Variants in CABP5 observed in about 807,000 individuals in gnomAD.
CABP5 encodes the protein calcium binding protein 5, also known as calcium-binding protein 5.
Under a neutral mutation model 21.9 loss-of-function variants are expected in CABP5, and 17 were observed. That is an observed-to-expected ratio of 0.78 (90% CI 0.53 to 1.17). CABP5 has a LOEUF of 1.17. Among genes scored for constraint, CABP5 ranks in the 50% most tolerant of loss-of-function variants. The probability of loss-of-function intolerance (pLI) is 0.00; values close to 1 mark genes in which losing one functional copy is unlikely to be tolerated. For synonymous variants in CABP5, 85 were observed against 79.4 expected (o/e 1.07, Z -0.37); for missense variants, 229 against 228.9 (o/e 1.00, Z 0.00).
intron 4 of CABP5, among the ~76,000 whole-genome samples, chr19:48,036,137 T>C (rs942285034): frequency 2.6e-5 from 4 of 152,106 alleles, no homozygotes; most frequent in Non-Finnish European, 4.4e-5. Flanking sequence ...TCTGGTAGAC[T>C]AGTTAAGGGT....
chr19:48,039,552 T>C (rs1967453362), intron 3 of CABP5, among the ~76,000 whole-genome samples: 1 of 152,084 alleles, frequency 6.6e-6, no homozygotes, highest in African/African-American at 2.4e-5. Flanking sequence ...TTTCAGACAG[T>C]TGGTTAAGAT....
intron 4 of CABP5, 68 bp from the exon 5 acceptor site, chr19:48,034,430 A>C: frequency 3.2e-6 from 4 of 1,267,502 alleles, no homozygotes; most frequent in Non-Finnish European, 4.2e-6. Context: ...GATGGAGTTT[A>C]CCTATCGCTT....
chr19:48,034,363 C>G lies in CABP5; in HGVS notation c.349-1G>C. On this transcript the variant is annotated splice_acceptor_variant, in intron 4 of 5. Coordinates refer to ENST00000293255, the MANE Select transcript of CABP5 (RefSeq NM_019855.5). LOFTEE classifies it high-confidence loss of function. ...TCTCCCCATCTCCATTCGTGTCAAA[C>G]TGAATAGAAGCAGAAATAGATTATA... The G allele has an allele frequency of 6.4e-7, 1 of 1,550,814 alleles. No homozygotes were observed. Among genetic ancestry groups the G allele is most frequent in the Non-Finnish European group, 8.7e-7 (1 of 1,149,680 alleles).
At chr19:48,039,764 A>C in intron 3 of CABP5, among the ~76,000 whole-genome samples, 1 of 111,020 alleles carries the variant, frequency 9.0e-6, no homozygotes, top group East Asian at 3.3e-4. Context: ...CCAAGGCTGG[A>C]GTGCAATGGT....
chr19:48,039,002 A>G (rs1967445918), intron 4 of CABP5, among the ~76,000 whole-genome samples: 1 of 152,048 alleles, frequency 6.6e-6, no homozygotes, highest in Admixed American at 6.6e-5. Context: ...TTGAGGATTA[A>G]ATCAGATAAA....
intron 4 of CABP5, among the ~76,000 whole-genome samples, chr19:48,036,226 G>T (rs1293214359): frequency 2.0e-5 from 3 of 152,122 alleles, no homozygotes; most frequent in Non-Finnish European, 2.9e-5. Flanking sequence ...TGTGTCAGTA[G>T]TGCCCATGTG....
intron 4 of CABP5, among the ~76,000 whole-genome samples, chr19:48,038,378 A>C (rs2122372565): frequency 6.6e-6 from 1 of 152,278 alleles, no homozygotes; most frequent in South Asian, 2.1e-4. Context: ...TCAGAACGAG[A>C]AGGTATTTTA....
At chr19:48,041,489 T>C in intron 2 of CABP5, 84 bp downstream of exon 2, 2 of 1,301,570 alleles carry the variant, frequency 1.5e-6, no homozygotes, top group Non-Finnish European at 2.2e-6. Flanking sequence ...TGTAATGGAA[T>C]TTATACGGAA....
chr19:48,038,395 G>T (rs1024648370), intron 4 of CABP5, among the ~76,000 whole-genome samples: 1 of 152,170 alleles, frequency 6.6e-6, no homozygotes, highest in Non-Finnish European at 1.5e-5. Flanking sequence ...TTTATCAGGG[G>T]ATATAAGCAA....
intron 3 of CABP5, among the ~76,000 whole-genome samples, chr19:48,039,569 C>A (rs1261354045): frequency 6.6e-6 from 1 of 152,070 alleles, no homozygotes; most frequent in Non-Finnish European, 1.5e-5. Flanking sequence ...AGATGTTTCT[C>A]CTCCTCTGTA....
chr19:48,039,347 C>G, intron 3 of CABP5, 30 bp from the exon 4 acceptor site: 2 of 1,550,870 alleles, frequency 1.3e-6, no homozygotes, highest in East Asian at 4.5e-5. Flanking sequence ...ATTAGCGAGA[C>G]CCCACAAGCC....
chr19:48,041,435 A>G (rs1459916999), intron 2 of CABP5, 138 bp downstream of exon 2: 9 of 858,606 alleles, frequency 1.0e-5, no homozygotes, highest in African/African-American at 1.7e-5. Context: ...GAGTTCTACA[A>G]AATTACAGTT....
At chr19:48,036,886 A>G (rs915479323) in intron 4 of CABP5, among the ~76,000 whole-genome samples, 1 of 152,240 alleles carries the variant, frequency 6.6e-6, no homozygotes, top group Non-Finnish European at 1.5e-5. Context: ...TAAAACCACA[A>G]TGAAATATCA....
At chr19:48,038,432 T>A (rs1038448806) in intron 4 of CABP5, among the ~76,000 whole-genome samples, 12 of 152,220 alleles carry the variant, frequency 7.9e-5, no homozygotes, top group South Asian at 4.1e-4. Flanking sequence ...GGGTCTGATA[T>A]TTTTTAGTAT....
chr19:48,040,689 C>G lies in CABP5; in HGVS notation c.154G>C (p.Asp52His). 1.2e-6 allele frequency: 2 copies of G among 1,614,034 alleles called. No homozygotes were observed. Among genetic ancestry groups the G allele is most frequent in the Non-Finnish European group, 1.7e-6 (2 of 1,179,964 alleles). ...ATCGTCCTCATGAGATTCCCCAGAT[C>G]CTTACAAGAGATGAACCCATCTCGG... is the stretch of plus-strand genomic sequence containing the variant. Reference protein sequence around the residue: ...KDRDGFISCKDLGNLMRTMGY... With the variant: ...KDRDGFISCKHLGNLMRTMGY... The change falls in exon 3 of 6, where the codon GAT becomes CAT. Residue 52 changes from aspartate to histidine, a missense_variant. Coordinates refer to ENST00000293255, the MANE Select transcript of CABP5 (RefSeq NM_019855.5).
rs1334845733 is a variant in CABP5, at chr19:48,029,709, C to T, written c.*848G>A. 2.6e-5 allele frequency among the ~76,000 whole-genome samples: 4 copies of T among 151,754 alleles called. No individual in the cohort carries two copies. The highest frequency in any genetic ancestry group is 4.4e-5 in the Non-Finnish European group (3 of 67,968). ...CCCCAAGGATCAGCTAGCTCTAAAC[C>T]TTGATAATCCAGATTTGTGGTTTAA... On this transcript the variant is annotated 3_prime_UTR_variant, in exon 6 of 6. Transcript: ENST00000293255.
chr19:48,040,230 C>G (rs1600127475), intron 3 of CABP5, among the ~76,000 whole-genome samples: 1 of 152,156 alleles, frequency 6.6e-6, no homozygotes, highest in Admixed American at 6.6e-5. Flanking sequence ...TTACTGGAGG[C>G]TAAGACTTTA....
chr19:48,040,847 T>C, intron 2 of CABP5, 99 bp from the exon 3 acceptor site: 1 of 1,168,770 alleles, frequency 8.6e-7, no homozygotes, highest in East Asian at 2.4e-5. Context: ...AGAGACTCCT[T>C]AAAGGAGCGT....
chr19:48,041,537 T>G (rs1231780233), intron 2 of CABP5, 36 bp downstream of exon 2: 5 of 1,609,872 alleles, frequency 3.1e-6, no homozygotes, highest in Non-Finnish European at 3.4e-6. Flanking sequence ...GGTGGGTGGA[T>G]GGCAACGTGG....
Sources: gnomAD v4.1 joint callset for allele counts (sites outside exome capture counted in the v4.1 genomes callset) on GRCh38, gnomAD v4.1.1 for gene constraint, MANE v1.5 for transcripts, NCBI Gene and HGNC (gene_info 2026-07-23, HGNC 2026-07-21) for gene names.